Variants in RAB27B observed in about 807,000 individuals in gnomAD.
RAB27B encodes the protein RAB27B, member RAS oncogene family, also known as ras-related protein Rab-27B.
Under a neutral mutation model 24.6 loss-of-function variants are expected in RAB27B, and 15 were observed. The observed-to-expected ratio is 0.61, with a 90% CI of 0.41 to 0.94. The LOEUF is 0.94. Ranked by LOEUF, RAB27B falls within the 40% of genes least tolerant of loss-of-function variation. The pLI is 0.00. For missense variants in RAB27B, 261 were observed against 266.8 expected (o/e 0.98, Z 0.15); for synonymous variants, 105 against 92.5 (o/e 1.14, Z -0.78).
intron 2 of RAB27B, among the ~76,000 whole-genome samples, chr18:54,818,186 A>T (rs1910180018): frequency 6.6e-6 from 1 of 152,202 alleles, no homozygotes; most frequent in Non-Finnish European, 1.5e-5. Context: ...GGCAGCAGAC[A>T]TTCTGAATGT....
chr18:54,849,001 T>C (rs117122847), intron 1 of RAB27B, among the ~76,000 whole-genome samples: 1 of 152,168 alleles, frequency 6.6e-6, no homozygotes, highest in Non-Finnish European at 1.5e-5. Context: ...TATGGACAAA[T>C]GGAGCCATCA....
chr18:54,827,406 A>G (rs548116073), upstream of RAB27B, among the ~76,000 whole-genome samples: 3 of 152,226 alleles, frequency 2.0e-5, no homozygotes, highest in Non-Finnish European at 4.4e-5. Flanking sequence ...GAAGGACATA[A>G]AATAGAACTT....
In RAB27B at chr18:54,894,111, C is replaced by T. The variant is rs918139745; in HGVS notation, c.*4698C>T. On this transcript the variant is annotated 3_prime_UTR_variant, in exon 6 of 6. Transcript: ENST00000262094. ...AAAGCACTTGATTAGTTTTTCAAGG[C>T]GTACCATCACAAAGATGCTTTCCTG... The T allele has an allele frequency of 1.3e-5, 2 of 151,830 alleles. No homozygotes were observed. The highest frequency in any genetic ancestry group is 4.8e-5 in the African/African-American group (2 of 41,368). The allele number at this position is 151,830 out of a possible 1,614,324, so 9.4% of individuals were successfully genotyped here.
intron 2 of RAB27B, among the ~76,000 whole-genome samples, chr18:54,780,257 T>G (rs910833899): frequency 2.6e-5 from 3 of 116,468 alleles, no homozygotes; most frequent in African/African-American, 1.0e-4. Flanking sequence ...ATGTCTCCGC[T>G]GTCCTGATGG....
chr18:54,831,770 AT>A (rs371299042), intron 1 of RAB27B, among the ~76,000 whole-genome samples: 38 of 149,362 alleles, frequency 2.5e-4, no homozygotes, highest in South Asian at 8.6e-4. Context: ...AGGGGAGGTG[AT>A]TTTTTTTTTC....
intron 2 of RAB27B, among the ~76,000 whole-genome samples, chr18:54,730,391 G>A (rs917906685): frequency 2.6e-5 from 4 of 152,218 alleles, no homozygotes; most frequent in Non-Finnish European, 5.9e-5. Flanking sequence ...ATGCCCTCCC[G>A]TCATCAAGTC....
intron 1 of RAB27B, among the ~76,000 whole-genome samples, chr18:54,857,682 T>C (rs1325784790): frequency 6.6e-6 from 1 of 152,230 alleles, no homozygotes; most frequent in Non-Finnish European, 1.5e-5. Flanking sequence ...GCTCACGTGT[T>C]CATGTGTGTG....
At chr18:54,765,016 T>A (rs1376280808) in intron 2 of RAB27B, among the ~76,000 whole-genome samples, 3 of 151,892 alleles carry the variant, frequency 2.0e-5, no homozygotes, top group Admixed American at 1.3e-4. Flanking sequence ...CCAACATTTT[T>A]AAAATTCCCG....
intron 1 of RAB27B, among the ~76,000 whole-genome samples, chr18:54,847,285 C>T (rs1318733241): frequency 6.6e-6 from 1 of 152,144 alleles, no homozygotes; most frequent in African/African-American, 2.4e-5. Context: ...GTTTCTACTG[C>T]ACATGTGAAA....
rs1913345748 is a variant in RAB27B, at chr18:54,891,002, G to C, written c.*1589G>C. On this transcript the variant is annotated 3_prime_UTR_variant, in exon 6 of 6. Transcript: ENST00000262094. ...ATATATTTTCGTTTTTTTTTATTATGAGCATATGATTTTTTGACAGGCTGT... is the reference window on the plus strand; with the variant it reads ...ATATATTTTCGTTTTTTTTTATTATCAGCATATGATTTTTTGACAGGCTGT... The C allele has an allele frequency of 6.8e-6, 1 of 147,602 alleles. No homozygotes were observed. The highest frequency in any genetic ancestry group is 1.5e-5 in the Non-Finnish European group (1 of 67,114). 9.1% of individuals were successfully genotyped at this position (147,602 alleles called of 1,614,324 possible).
At chr18:54,721,517 A>C (rs770418905) in intron 2 of RAB27B, among the ~76,000 whole-genome samples, 1 of 152,136 alleles carries the variant, frequency 6.6e-6, no homozygotes, top group Non-Finnish European at 1.5e-5. Flanking sequence ...CACAGCAATT[A>C]ATGTCTTTGA....
chr18:54,865,804 C>T (rs1367984169), intron 1 of RAB27B, among the ~76,000 whole-genome samples: 3 of 152,198 alleles, frequency 2.0e-5, no homozygotes, highest in African/African-American at 7.2e-5. Flanking sequence ...GCAATAAACA[C>T]TTCAACTATA....
At chr18:54,752,523 TGTGGGAGAGTGTATTCACATG>T (rs1907866657) in intron 2 of RAB27B, among the ~76,000 whole-genome samples, 1 of 152,118 alleles carries the variant, frequency 6.6e-6, no homozygotes, top group Non-Finnish European at 1.5e-5. Context: ...ATAGGGAATG[TGTGGGAGAGTGTATTCACATG>T]GTGGGGGCAT....
intron 2 of RAB27B, among the ~76,000 whole-genome samples, chr18:54,735,924 G>T (rs1318743441): frequency 1.3e-5 from 2 of 152,164 alleles, no homozygotes; most frequent in Non-Finnish European, 2.9e-5. Flanking sequence ...TGCCAAACTG[G>T]ATAATTTTAT....
At chr18:54,784,226 A>G (rs933466766) in intron 2 of RAB27B, among the ~76,000 whole-genome samples, 10 of 152,246 alleles carry the variant, frequency 6.6e-5, no homozygotes, top group Non-Finnish European at 1.3e-4. Flanking sequence ...CAAGGAATCA[A>G]ATAATATCCA....
intron 2 of RAB27B, among the ~76,000 whole-genome samples, chr18:54,762,170 CT>C (rs1346426258): frequency 6.6e-6 from 1 of 152,134 alleles, no homozygotes; most frequent in African/African-American, 2.4e-5. Context: ...TGATTTCACA[CT>C]TCCGATAATT....
intron 2 of RAB27B, among the ~76,000 whole-genome samples, chr18:54,820,510 A>G (rs1203462153): frequency 6.6e-6 from 1 of 152,008 alleles, no homozygotes; most frequent in Non-Finnish European, 1.5e-5. Context: ...TAGATTCTGG[A>G]TATTAGCCCT....
At chr18:54,817,640 G>T (rs141873477) in intron 2 of RAB27B, among the ~76,000 whole-genome samples, 2 of 152,146 alleles carry the variant, frequency 1.3e-5, no homozygotes, top group South Asian at 4.1e-4. Flanking sequence ...TATTTGATTA[G>T]TTGCATTAGT....
intron 2 of RAB27B, among the ~76,000 whole-genome samples, chr18:54,753,696 C>T (rs1907909593): frequency 6.6e-6 from 1 of 152,150 alleles, no homozygotes; most frequent in South Asian, 2.1e-4. Flanking sequence ...TTCACAGGTG[C>T]ATTTAATGTA....
Sources: gnomAD v4.1 joint callset for allele counts (sites outside exome capture counted in the v4.1 genomes callset) on GRCh38, gnomAD v4.1.1 for gene constraint, MANE v1.5 for transcripts, NCBI Gene and HGNC (gene_info 2026-07-23, HGNC 2026-07-21) for gene names.